The following SDK1 variants were observed in gnomAD, a reference collection of about 807,000 sequenced individuals.
SDK1 encodes the protein sidekick cell adhesion molecule 1.
SDK1 carries 157 observed loss-of-function variants against 245.5 expected under a neutral mutation model. The ratio of observed to expected loss-of-function variants is 0.64; its 90% CI spans 0.56 to 0.73. The LOEUF (loss-of-function observed/expected upper bound fraction) is 0.73, where lower values mean the gene tolerates loss of function less well. Among genes scored for constraint, SDK1 ranks in the 30% least tolerant of loss-of-function variants. The pLI is 0.00. For missense variants in SDK1, 3,583 were observed against 3,002.3 expected, an observed-to-expected ratio of 1.19 and a Z score of -4.52; for synonymous variants, 1,647 against 1,278.5, an observed-to-expected ratio of 1.29 and a Z score of -6.15.
At chr7:4,032,662 C>T (rs1328984440) in intron 17 of SDK1, among the ~76,000 whole-genome samples, 5 of 152,192 alleles carry the variant, frequency 3.3e-5, no homozygotes, top group African/African-American at 1.2e-4. Context: ...AACAAACCGA[C>T]TTCATATGCA....
chr7:3,589,366 G>A (rs1283777773), intron 1 of SDK1, among the ~76,000 whole-genome samples: 1 of 152,198 alleles, frequency 6.6e-6, no homozygotes, highest in Non-Finnish European at 1.5e-5. Context: ...TTATTTCACA[G>A]GTGGTGTGGG....
intron 38 of SDK1, 44 bp from the exon 39 acceptor site, chr7:4,220,065 T>G: frequency 6.3e-7 from 1 of 1,596,648 alleles, no homozygotes; most frequent in Non-Finnish European, 8.6e-7. Flanking sequence ...CAGTTGCTTC[T>G]CCAGGCTGAA....
chr7:3,900,790 T>C (rs748589786), intron 5 of SDK1, among the ~76,000 whole-genome samples: 4 of 152,094 alleles, frequency 2.6e-5, no homozygotes, highest in Non-Finnish European at 4.4e-5. Flanking sequence ...CGTTTTAGAC[T>C]GACACATTTG....
intron 4 of SDK1, among the ~76,000 whole-genome samples, chr7:3,644,054 C>T (rs1164210728): frequency 6.6e-6 from 1 of 151,026 alleles, no homozygotes; most frequent in Non-Finnish European, 1.5e-5. Flanking sequence ...AGGTGTGTGT[C>T]ACCATCCCCG....
intron 4 of SDK1, among the ~76,000 whole-genome samples, chr7:3,753,570 C>T (rs1040713864): frequency 2.6e-5 from 4 of 152,180 alleles, no homozygotes; most frequent in South Asian, 2.1e-4. Context: ...ATTGCAGTTG[C>T]CTCTGATTCC....
intron 1 of SDK1, among the ~76,000 whole-genome samples, chr7:3,469,948 C>T (rs1227663553): frequency 1.3e-5 from 2 of 152,276 alleles, no homozygotes; most frequent in East Asian, 3.9e-4. Flanking sequence ...CAGAGATTTG[C>T]TTCTGGCATG....
chr7:3,309,821 A>G (rs1264325130), intron 1 of SDK1, among the ~76,000 whole-genome samples: 1 of 152,148 alleles, frequency 6.6e-6, no homozygotes, highest in Non-Finnish European at 1.5e-5. Context: ...TCTATGTAGA[A>G]TTTGTTTTAT....
intron 4 of SDK1, among the ~76,000 whole-genome samples, chr7:3,690,078 G>T (rs541826103): frequency 1.3e-4 from 20 of 152,134 alleles, no homozygotes; most frequent in Non-Finnish European, 2.6e-4. Context: ...AGCACCCAGT[G>T]GTAATTATGT....
rs1029738674 is a variant in SDK1 at position 3,308,489 on chromosome 7, T to C, written c.298+6605T>C. Among the ~76,000 whole-genome samples, 4 of 152,180 alleles carry C rather than the reference T, an allele frequency of 2.6e-5. No individual in the cohort carries two copies. The East Asian group carries it at 7.7e-4, about 29-fold the overall frequency. On this transcript the variant is annotated intron_variant, in intron 1 of 44. Coordinates refer to ENST00000404826, the MANE Select transcript of SDK1 (RefSeq NM_152744.4). ...AGGCTTAACTGGCACTTTATTGATA[T>C]ACAGACAATGTCTAGTGAAGATAAC...
chr7:3,705,383 C>G (rs1274312013), intron 4 of SDK1, among the ~76,000 whole-genome samples: 2 of 150,792 alleles, frequency 1.3e-5, no homozygotes, highest in African/African-American at 4.9e-5. Context: ...TTGTAGTTCT[C>G]TGAAGAGATT....
intron 35 of SDK1, among the ~76,000 whole-genome samples, chr7:4,197,467 A>G (rs1783650861): frequency 1.3e-5 from 2 of 152,122 alleles, no homozygotes; most frequent in Non-Finnish European, 2.9e-5. Context: ...CAGTCTGGGA[A>G]ACAGAGCAAG....
At chr7:3,596,836 T>A (rs536845322) in intron 1 of SDK1, among the ~76,000 whole-genome samples, 10 of 152,074 alleles carry the variant, frequency 6.6e-5, no homozygotes, top group Non-Finnish European at 1.5e-4. Context: ...ATAACACTTA[T>A]GAACAGAAAA....
At chr7:3,450,235 G>A (rs1200682416) in intron 1 of SDK1, among the ~76,000 whole-genome samples, 1 of 152,194 alleles carries the variant, frequency 6.6e-6, no homozygotes, top group East Asian at 1.9e-4. Context: ...TGGTAATAGT[G>A]AGGAAGACCT....
Position 3,462,466 on chromosome 7 carries a change from T to A in SDK1, c.299-156614T>A, listed in dbSNP as rs554303990. 2.0e-5 allele frequency among the ~76,000 whole-genome samples: 3 copies of A among 152,342 alleles called. No homozygotes were observed. The South Asian group carries it at 6.2e-4, about 32-fold the overall frequency. On this transcript the variant is annotated intron_variant, in intron 1 of 44. Transcript: ENST00000404826. The stretch of plus-strand genomic sequence containing the variant: ...ATCTTTTCCTAAGCTATTTCATTCA[T>A]GTACATAGTTTGAATTGTCCTTTTA...
chr7:3,656,992 C>A (rs1274225551), intron 4 of SDK1, among the ~76,000 whole-genome samples: 1 of 152,078 alleles, frequency 6.6e-6, no homozygotes, highest in East Asian at 1.9e-4. Flanking sequence ...CATGATCCAC[C>A]CGCCTCGGCC....
At chr7:4,244,313 G>A (rs754002579) in intron 43 of SDK1, among the ~76,000 whole-genome samples, 3 of 152,228 alleles carry the variant, frequency 2.0e-5, no homozygotes, top group Admixed American at 6.5e-5. Context: ...TTGCTGGGTT[G>A]CTGGGGGTCC....
At chr7:4,046,127 C>T (rs1034640484) in intron 17 of SDK1, among the ~76,000 whole-genome samples, 8 of 151,212 alleles carry the variant, frequency 5.3e-5, no homozygotes, top group South Asian at 2.1e-4. Flanking sequence ...TTCTTTGTAG[C>T]GGTGGGGTCT....
At chr7:3,518,387 A>T (rs545144354) in intron 1 of SDK1, among the ~76,000 whole-genome samples, 2 of 152,174 alleles carry the variant, frequency 1.3e-5, no homozygotes, top group South Asian at 4.1e-4. Flanking sequence ...AAACAACAGA[A>T]TGAAAAGACA....
intron 22 of SDK1, among the ~76,000 whole-genome samples, chr7:4,079,922 A>G (rs1780947365): frequency 6.6e-6 from 1 of 152,216 alleles, no homozygotes; most frequent in African/African-American, 2.4e-5. Flanking sequence ...TACTAATAGG[A>G]TTAATTGCTT....
Sources: gnomAD v4.1 joint callset for allele counts (sites outside exome capture counted in the v4.1 genomes callset) on GRCh38, gnomAD v4.1.1 for gene constraint, MANE v1.5 for transcripts, NCBI Gene and HGNC (gene_info 2026-07-23, HGNC 2026-07-21) for gene names.